The following SNX13 variants were observed in gnomAD, a reference collection of about 807,000 sequenced individuals.
The protein encoded by SNX13 is sorting nexin-13.
A neutral mutation model predicts 133.6 loss-of-function variants in SNX13; 45 were observed. The ratio of observed to expected loss-of-function variants is 0.34; its 90% confidence interval spans 0.27 to 0.43. The LOEUF is 0.43. Ranked by LOEUF, SNX13 falls within the 20% of genes least tolerant of loss-of-function variation. SNX13 has a pLI of 1.00. For synonymous variants in SNX13, 414 were observed against 373.9 expected (o/e 1.11, Z -1.24); for missense variants, 1,032 against 1,145.1 (o/e 0.90, Z 1.43).
intron 18 of SNX13, among the ~76,000 whole-genome samples, chr7:17,817,922 C>G (rs567404046): frequency 6.6e-6 from 1 of 152,270 alleles, no homozygotes; most frequent in South Asian, 2.1e-4. Context: ...GAAGCCCTAA[C>G]ATTCAGTGCC....
intron 16 of SNX13, among the ~76,000 whole-genome samples, chr7:17,829,681 A>G (rs1344898763): frequency 6.6e-6 from 1 of 151,364 alleles, no homozygotes; most frequent in East Asian, 1.9e-4. Flanking sequence ...ATTGCCTATC[A>G]TAGCAATTTA....
intron 18 of SNX13, 126 bp from the exon 19 acceptor site, chr7:17,816,415 A>T (rs891849852): frequency 8.6e-7 from 1 of 1,164,148 alleles, no homozygotes; most frequent in Non-Finnish European, 1.2e-6. Context: ...TAATCCCAGC[A>T]CTTTGGGAGG....
chr7:17,794,198 C>T lies in SNX13; in HGVS notation c.2721G>A (p.Met907Ile). 1 of 1,611,558 alleles carries T rather than the reference C, an allele frequency of 6.2e-7. No individual in the cohort carries two copies. Among genetic ancestry groups the T allele is most frequent in the Non-Finnish European group, 8.5e-7 (1 of 1,178,458 alleles). ...MFQHNQLNRR[M>I]VYVFLEGFLE... Reference sequence around the variant, plus strand: ...AAAAGCCTTCCAAGAAGACATAAACCATTCTCCTATTTAATTGGTTGTGCT... The same window carrying T: ...AAAAGCCTTCCAAGAAGACATAAACTATTCTCCTATTTAATTGGTTGTGCT... Residue 907 changes from methionine (M) to isoleucine (I), a missense_variant, in exon 26 of 26, where the codon ATG becomes ATA. Physicochemically the swap from Met to Ile is conservative, Grantham distance 10. Coordinates refer to ENST00000428135, the MANE Select transcript of SNX13 (RefSeq NM_015132.5).
intron 1 of SNX13, among the ~76,000 whole-genome samples, chr7:17,911,948 C>G (rs1240399257): frequency 1.3e-5 from 2 of 152,154 alleles, no homozygotes; most frequent in Admixed American, 1.3e-4. Flanking sequence ...ATCACATAGT[C>G]TGAGGTCACT....
At chr7:17,830,950 T>C (rs1412823452) in intron 15 of SNX13, 16 of 984,280 alleles carry the variant, frequency 1.6e-5, no homozygotes, top group Admixed American at 6.2e-5. Flanking sequence ...CTCAAGAACA[T>C]TTCTTGGTTC....
intron 1 of SNX13, 24 bp downstream of exon 1, chr7:17,940,260 A>ATATTT: frequency 6.4e-7 from 1 of 1,556,536 alleles, no homozygotes; most frequent in South Asian, 1.2e-5. Context: ...TCACAGGTAA[A>ATATTT]CACTGGCCAC....
At chr7:17,909,448 C>T (rs1798725972) in intron 1 of SNX13, among the ~76,000 whole-genome samples, 3 of 152,142 alleles carry the variant, frequency 2.0e-5, no homozygotes, top group Admixed American at 6.5e-5. Flanking sequence ...ATGGATTCAA[C>T]CCAAAAGCCC....
rs756510130 is a variant in SNX13 at position 17,791,394 on chromosome 7, T to TAA, written c.*2649_*2650dup. 1.3e-5 allele frequency: 2 copies of TAA among 150,260 alleles called. No individual in the cohort carries two copies. Among genetic ancestry groups the TAA allele is most frequent in the Admixed American group, 1.3e-4 (2 of 15,068 alleles). The allele number at this position is 150,260 out of a possible 1,614,324, so 9.3% of individuals were successfully genotyped here. A position where few individuals can be genotyped will look rare whatever the true frequency, so the allele number is the denominator to read the frequency against. ...AGAAAGTTTTTGTTTTTTTTTTTTT[T>TAA]AAAAAAATTAAGGCTAACCAAGTGC... On this transcript the variant is annotated 3_prime_UTR_variant, in exon 26 of 26. Transcript: ENST00000428135.
rs1000095738 is a variant in SNX13 at position 17,882,676 on chromosome 7, T to C, written c.441-6886A>G. On this transcript the variant is annotated intron_variant, in intron 5 of 25. Coordinates refer to ENST00000428135, the MANE Select transcript of SNX13 (RefSeq NM_015132.5). ...AAAATGTGGAGTGTGATGGAGTATG[T>C]TAGTGTGTGTTTTGGGAGGAAACAT... is the stretch of plus-strand genomic sequence containing the variant. The C allele has an allele frequency of 6.4e-6, 3 of 471,438 alleles. No individual in the cohort carries two copies. In the African/African-American group the frequency reaches 6.4e-5, roughly 10 times the overall value. 29.2% of individuals were successfully genotyped at this position (471,438 alleles called of 1,614,324 possible). A position where few individuals can be genotyped will look rare whatever the true frequency, so the allele number is the denominator to read the frequency against.
chr7:17,853,628 G>A (rs1791509888), intron 9 of SNX13, among the ~76,000 whole-genome samples: 1 of 152,176 alleles, frequency 6.6e-6, no homozygotes, highest in Non-Finnish European at 1.5e-5. Flanking sequence ...AGAATAAAAA[G>A]CTCAGATAAT....
rs1169890713 is a variant in SNX13 at position 17,792,241 on chromosome 7, AC to A, written c.*1803del. On this transcript the variant is annotated 3_prime_UTR_variant, in exon 26 of 26. Transcript: ENST00000428135. The stretch of plus-strand genomic sequence containing the variant: ...CATGTTTCATGTTTCAAACATTTTC[AC>A]TTTTAAAGCCTGGGGCTCAGGGAGG... 1 of 151,944 alleles carries A rather than the reference AC, an allele frequency of 6.6e-6. No individual in the cohort carries two copies. Among genetic ancestry groups the A allele is most frequent in the East Asian group, 1.9e-4 (1 of 5,182 alleles). 9.4% of individuals were successfully genotyped at this position (151,944 alleles called of 1,614,324 possible). A position where few individuals can be genotyped will look rare whatever the true frequency, so the allele number is the denominator to read the frequency against.
chr7:17,885,943 G>A (rs1795938521), intron 5 of SNX13, among the ~76,000 whole-genome samples: 2 of 152,024 alleles, frequency 1.3e-5, no homozygotes, highest in African/African-American at 4.8e-5. Flanking sequence ...TATAATAACT[G>A]TCTTTCCAAG....
chr7:17,871,572 C>G (rs1033430168), intron 8 of SNX13, among the ~76,000 whole-genome samples: 3 of 152,140 alleles, frequency 2.0e-5, no homozygotes, highest in Non-Finnish European at 2.9e-5. Flanking sequence ...TCAGTCCCCA[C>G]CCTTTGTGTC....
At chr7:17,865,515 A>G (rs1793284413) in intron 9 of SNX13, among the ~76,000 whole-genome samples, 1 of 152,228 alleles carries the variant, frequency 6.6e-6, no homozygotes, top group African/African-American at 2.4e-5. Context: ...CTCCATGTTC[A>G]TGGATTGGAA....
chr7:17,854,882 A>G (rs978774241), intron 9 of SNX13, among the ~76,000 whole-genome samples: 5 of 152,168 alleles, frequency 3.3e-5, no homozygotes, highest in Admixed American at 3.3e-4. Flanking sequence ...TTTCAATCAA[A>G]AGCTAAAAAT....
intron 1 of SNX13, among the ~76,000 whole-genome samples, chr7:17,908,738 CA>C (rs1798643038): frequency 6.6e-6 from 1 of 152,110 alleles, no homozygotes; most frequent in Non-Finnish European, 1.5e-5. Context: ...TTCCTGGAAT[CA>C]AAAAGCTCAC....
intron 7 of SNX13, among the ~76,000 whole-genome samples, chr7:17,874,101 G>A (rs1011231752): frequency 6.6e-6 from 1 of 152,062 alleles, no homozygotes; most frequent in African/African-American, 2.4e-5. Flanking sequence ...TAAAAGTATT[G>A]CACATCAGTA....
intron 5 of SNX13, among the ~76,000 whole-genome samples, chr7:17,887,867 C>A (rs895712581): frequency 1.2e-4 from 16 of 134,948 alleles, no homozygotes; most frequent in East Asian, 7.0e-4. Context: ...AAAAAAAAAA[C>A]CACAGTTTTT....
chr7:17,809,664 T>C (rs1474197316), intron 20 of SNX13, among the ~76,000 whole-genome samples: 1 of 152,162 alleles, frequency 6.6e-6, no homozygotes, highest in Non-Finnish European at 1.5e-5. Flanking sequence ...CAACAGAACA[T>C]ACATTCTTCT....
Sources: gnomAD v4.1 joint callset for allele counts (sites outside exome capture counted in the v4.1 genomes callset) on GRCh38, gnomAD v4.1.1 for gene constraint, MANE v1.5 for transcripts, NCBI Gene and HGNC (gene_info 2026-07-23, HGNC 2026-07-21) for gene names.